Variants in RPH3A observed in about 807,000 individuals in gnomAD.
RPH3A encodes the protein rabphilin-3A.
In RPH3A, 48 loss-of-function variants were observed where a neutral mutation model predicts 102.2. The observed-to-expected ratio is 0.47, with a 90% CI of 0.37 to 0.60. The LOEUF is 0.60. Among genes scored for constraint, RPH3A ranks in the 20% least tolerant of loss-of-function variants. RPH3A has a pLI of 0.00. For synonymous variants in RPH3A, 310 were observed against 324.3 expected (o/e 0.96, Z 0.47); for missense variants, 781 against 910.1 (o/e 0.86, Z 1.83).
In RPH3A at chr12:112,890,832, C is replaced by A. The variant is rs1341317771; in HGVS notation, c.1621-17C>A. 5 of 1,611,876 alleles carry A rather than the reference C, an allele frequency of 3.1e-6. No homozygotes were observed. Among genetic ancestry groups the A allele is most frequent in the South Asian group, 2.2e-5 (2 of 90,680 alleles). Reference sequence around the variant, plus strand: ...CCCTCCCCTCCAAGGCCCACACTGCCTTTTCCCCCAATGCAGCAGGTGGAG... The same window carrying A: ...CCCTCCCCTCCAAGGCCCACACTGCATTTTCCCCCAATGCAGCAGGTGGAG... On this transcript the variant is annotated splice_polypyrimidine_tract_variant and intron_variant, in intron 18 of 21. Transcript: ENST00000389385.
intron 1 of RPH3A, among the ~76,000 whole-genome samples, chr12:112,613,102 C>A (rs1223505378): frequency 6.6e-6 from 1 of 152,122 alleles, no homozygotes; most frequent in African/African-American, 2.4e-5. Flanking sequence ...TGCACAACAG[C>A]CCTGTGAGGT....
chr12:112,820,031 GA>G (rs1249358431), intron 2 of RPH3A, among the ~76,000 whole-genome samples: 1 of 152,198 alleles, frequency 6.6e-6, no homozygotes, highest in Non-Finnish European at 1.5e-5. Context: ...CAAGGATACA[GA>G]AAGGGAAGAC....
At chr12:112,882,486 T>C (rs2042932027) in intron 15 of RPH3A, among the ~76,000 whole-genome samples, 1 of 152,206 alleles carries the variant, frequency 6.6e-6, no homozygotes. Flanking sequence ...TCAAATGATC[T>C]TCAGAAAATG....
At chr12:112,648,210 T>C (rs1446769768) in intron 1 of RPH3A, among the ~76,000 whole-genome samples, 2 of 152,160 alleles carry the variant, frequency 1.3e-5, no homozygotes, top group Admixed American at 6.5e-5. Flanking sequence ...CTATATACAA[T>C]TCCATATTTC....
chr12:112,835,759 G>A (rs922477676), intron 3 of RPH3A, among the ~76,000 whole-genome samples: 2 of 152,146 alleles, frequency 1.3e-5, no homozygotes, highest in Admixed American at 6.5e-5. Context: ...ATTTTCAAAT[G>A]TCTTTCTCTC....
intron 6 of RPH3A, 162 bp downstream of exon 6, chr12:112,865,705 G>C (rs566390566): frequency 4.5e-6 from 3 of 660,864 alleles, no homozygotes; most frequent in Non-Finnish European, 7.2e-6. Context: ...ATGCCCTACT[G>C]TCTTCCAACG....
chr12:112,675,872 T>G (rs558510769), intron 1 of RPH3A, among the ~76,000 whole-genome samples: 157 of 152,300 alleles, frequency 1.0e-3, no homozygotes, highest in African/African-American at 3.5e-3. Flanking sequence ...CAGAGAGATG[T>G]AAATGCAGGA....
intron 7 of RPH3A, 77 bp downstream of exon 7, chr12:112,866,917 G>C (rs778532793): frequency 5.5e-6 from 6 of 1,090,502 alleles, no homozygotes; most frequent in East Asian, 2.6e-5. Flanking sequence ...TAAGAGGTTT[G>C]TATGAAAGGA....
intron 1 of RPH3A, among the ~76,000 whole-genome samples, chr12:112,752,322 AAT>A (rs1188660433): frequency 6.6e-6 from 1 of 152,176 alleles, no homozygotes; most frequent in Non-Finnish European, 1.5e-5. Context: ...CATTACTAGT[AAT>A]ATGTGTCTGT....
chr12:112,782,507 T>C (rs914452331), intron 1 of RPH3A, among the ~76,000 whole-genome samples: 3 of 152,230 alleles, frequency 2.0e-5, no homozygotes, highest in African/African-American at 7.2e-5. Flanking sequence ...GTATCCCTTT[T>C]CCGTCTTTCT....
At chr12:112,693,333 C>A (rs767908058) in intron 1 of RPH3A, among the ~76,000 whole-genome samples, 4 of 152,198 alleles carry the variant, frequency 2.6e-5, no homozygotes, top group Non-Finnish European at 5.9e-5. Context: ...CATGGGGTCA[C>A]CTTTGACTCA....
intron 17 of RPH3A, among the ~76,000 whole-genome samples, chr12:112,889,083 C>T (rs1241187198): frequency 6.6e-6 from 1 of 152,228 alleles, no homozygotes; most frequent in Non-Finnish European, 1.5e-5. Flanking sequence ...GATGGAATGT[C>T]TGCATGCCAT....
rs914165171 is a variant in RPH3A at position 112,669,555 on chromosome 12, A to C, written c.-140+94236A>C. Among the ~76,000 whole-genome samples the C allele has an allele frequency of 3.3e-5, 5 of 152,230 alleles. No homozygotes were observed. In the South Asian group the frequency reaches 1.0e-3, roughly 32 times the overall value. ...AACCCACATCGCAAGGAAATAGAGT[A>C]AAAAGTGAAAGAATTCTCTCACCCT... On this transcript the variant is annotated intron_variant, in intron 1 of 21. Coordinates refer to the RPH3A transcript ENST00000543106.
At chr12:112,776,110 C>T (rs983969072) in intron 1 of RPH3A, among the ~76,000 whole-genome samples, 9 of 152,072 alleles carry the variant, frequency 5.9e-5, no homozygotes, top group African/African-American at 1.4e-4. Flanking sequence ...ATGCCCAGAC[C>T]GTGGTGTCAG....
intron 16 of RPH3A, among the ~76,000 whole-genome samples, chr12:112,883,920 G>A (rs2042965760): frequency 6.6e-6 from 1 of 151,924 alleles, no homozygotes; most frequent in African/African-American, 2.4e-5. Context: ...GATGTATTTG[G>A]GTGGTTTCTA....
intron 3 of RPH3A, among the ~76,000 whole-genome samples, chr12:112,831,111 T>G (rs1210505457): frequency 1.3e-5 from 2 of 151,818 alleles, no homozygotes; most frequent in Non-Finnish European, 2.9e-5. Flanking sequence ...GCATTTTTTT[T>G]TTTTTTTACA....
At chr12:112,617,957 ATCT>A (rs1432959714) in intron 1 of RPH3A, 1 of 152,166 alleles carries the variant, frequency 6.6e-6, no homozygotes, top group Non-Finnish European at 1.5e-5. Flanking sequence ...GGAAACACAA[ATCT>A]TCTCCTTCCT....
intron 1 of RPH3A, among the ~76,000 whole-genome samples, chr12:112,611,380 G>T (rs1048343832): frequency 6.6e-6 from 1 of 152,150 alleles, no homozygotes; most frequent in African/African-American, 2.4e-5. Flanking sequence ...AAAGGTGCAA[G>T]AATTTTGCCA....
At chr12:112,581,140 C>T (rs532078420) in intron 1 of RPH3A, among the ~76,000 whole-genome samples, 25 of 152,262 alleles carry the variant, frequency 1.6e-4, no homozygotes, top group Middle Eastern at 6.8e-3. Flanking sequence ...TTAGTCTGTT[C>T]TCATGCTGCT....
Sources: gnomAD v4.1 joint callset for allele counts (sites outside exome capture counted in the v4.1 genomes callset) on GRCh38, gnomAD v4.1.1 for gene constraint, MANE v1.5 for transcripts, NCBI Gene and HGNC (gene_info 2026-07-23, HGNC 2026-07-21) for gene names.